Variants in PDE4D observed in about 807,000 individuals in gnomAD.
The protein encoded by PDE4D is phosphodiesterase 4D.
A neutral mutation model predicts 87.4 loss-of-function variants in PDE4D; 24 were observed. The observed-to-expected ratio is 0.27, with a 90% confidence interval of 0.20 to 0.39. The LOEUF is 0.39. Ranked by LOEUF, PDE4D falls within the 10% of genes least tolerant of loss-of-function variation. The pLI is 1.00. For missense variants in PDE4D, 714 were observed against 1,041.0 expected, an observed-to-expected ratio of 0.69 and a Z score of 4.32; for synonymous variants, 384 against 383.2, an observed-to-expected ratio of 1.00 and a Z score of -0.02.
chr5:60,003,859 T>C (rs1764236912), intron 2 of PDE4D, among the ~76,000 whole-genome samples: 1 of 151,708 alleles, frequency 6.6e-6, no homozygotes, highest in Non-Finnish European at 1.5e-5. Flanking sequence ...AGAATAGAGA[T>C]CCCAGAAATA....
At chr5:59,588,611 C>A (rs1825527527) in intron 1 of PDE4D, among the ~76,000 whole-genome samples, 1 of 152,062 alleles carries the variant, frequency 6.6e-6, no homozygotes, top group South Asian at 2.1e-4. Context: ...AATTCAAAAC[C>A]TAGTATAAAG....
chr5:60,158,238 C>A (rs1194951410), intron 2 of PDE4D, among the ~76,000 whole-genome samples: 2 of 152,180 alleles, frequency 1.3e-5, no homozygotes, highest in Non-Finnish European at 2.9e-5. Context: ...GCCTAACACA[C>A]ACACACCTAG....
chr5:58,987,766 T>G (rs1020049343), intron 11 of PDE4D, among the ~76,000 whole-genome samples: 1 of 152,208 alleles, frequency 6.6e-6, no homozygotes, highest in African/African-American at 2.4e-5. Context: ...GGGAGGGAAT[T>G]AAGTCATAGT....
rs1030168067 is a variant in PDE4D, at chr5:59,537,763, T to C, written c.456-321795A>G. On this transcript the variant is annotated intron_variant, in intron 1 of 14. Coordinates refer to ENST00000340635, the MANE Select transcript of PDE4D (RefSeq NM_001104631.2). ...AAAACTTCTAACATTCCAATTTAAA[T>C]ATTTTATTTGAAAATTCACTGCTAT... 3.3e-5 allele frequency among the ~76,000 whole-genome samples: 5 copies of C among 152,252 alleles called. No individual in the cohort carries two copies. In the East Asian group the frequency reaches 9.6e-4, roughly 29 times the overall value.
chr5:59,737,295 T>C (rs1027833832), intron 1 of PDE4D, among the ~76,000 whole-genome samples: 12 of 152,190 alleles, frequency 7.9e-5, no homozygotes, highest in Admixed American at 7.9e-4. Flanking sequence ...TTCTTGGTTT[T>C]GTATAGTTTC....
intron 1 of PDE4D, among the ~76,000 whole-genome samples, chr5:59,847,525 C>T (rs945568774): frequency 6.6e-6 from 1 of 152,022 alleles, no homozygotes; most frequent in African/African-American, 2.4e-5. Flanking sequence ...AGGAACCTTT[C>T]TTTTTTACCA....
intron 1 of PDE4D, among the ~76,000 whole-genome samples, chr5:59,754,914 A>G (rs1761010812): frequency 1.4e-5 from 2 of 147,346 alleles, no homozygotes; most frequent in Non-Finnish European, 3.0e-5. Flanking sequence ...GATTAGCATC[A>G]CCCAATCCAA....
chr5:59,580,880 T>A (rs550440334), intron 1 of PDE4D, among the ~76,000 whole-genome samples: 3 of 152,290 alleles, frequency 2.0e-5, no homozygotes, highest in East Asian at 1.9e-4. Flanking sequence ...TTAAATTATT[T>A]TTTTTTAGTT....
At chr5:60,400,338 T>C (rs2150044501) in intron 1 of PDE4D, among the ~76,000 whole-genome samples, 1 of 151,676 alleles carries the variant, frequency 6.6e-6, no homozygotes, top group Non-Finnish European at 1.5e-5. Flanking sequence ...CTGGCTAACA[T>C]GGTGAAACCC....
chr5:60,231,068 A>G (rs1745750607), intron 1 of PDE4D, among the ~76,000 whole-genome samples: 1 of 152,072 alleles, frequency 6.6e-6, no homozygotes, highest in African/African-American at 2.4e-5. Context: ...AAGAAAAAGA[A>G]ATATAATTGG....
chr5:59,070,803 C>T (rs772741092), intron 5 of PDE4D, among the ~76,000 whole-genome samples: 17 of 152,116 alleles, frequency 1.1e-4, no homozygotes, highest in Non-Finnish European at 2.1e-4. Flanking sequence ...ATGGCTCAAA[C>T]ACATCAAGAA....
intron 1 of PDE4D, among the ~76,000 whole-genome samples, chr5:60,499,845 TCTCTC>T: frequency 6.6e-6 from 1 of 152,316 alleles, no homozygotes; most frequent in Admixed American, 6.5e-5. Context: ...ATGGTATATT[TCTCTC>T]CTCTCCTTCA....
intron 1 of PDE4D, among the ~76,000 whole-genome samples, chr5:60,356,470 A>G (rs1439655421): frequency 6.6e-6 from 1 of 152,204 alleles, no homozygotes; most frequent in Non-Finnish European, 1.5e-5. Context: ...AGATAGTAAT[A>G]TTACTATCAG....
intron 1 of PDE4D, among the ~76,000 whole-genome samples, chr5:59,499,107 G>C (rs944212555): frequency 1.3e-5 from 2 of 151,804 alleles, no homozygotes; most frequent in Non-Finnish European, 2.9e-5. Flanking sequence ...GAAATCAACA[G>C]CAAGAGGAAT....
chr5:59,715,881 C>A (rs1437650542), intron 1 of PDE4D, among the ~76,000 whole-genome samples: 3 of 152,322 alleles, frequency 2.0e-5, no homozygotes, highest in Non-Finnish European at 2.9e-5. Flanking sequence ...TGTATTACTG[C>A]TGTGGCCTCT....
intron 1 of PDE4D, among the ~76,000 whole-genome samples, chr5:59,421,637 A>C (rs1290929291): frequency 6.6e-6 from 1 of 152,136 alleles, no homozygotes; most frequent in Non-Finnish European, 1.5e-5. Flanking sequence ...TAAGAGTAAG[A>C]TGATGAGTTC....
intron 1 of PDE4D, among the ~76,000 whole-genome samples, chr5:59,890,254 T>TAC (rs56258601): frequency 0.03 from 4,334 of 145,366 alleles, 68 homozygotes; most frequent in East Asian, 0.1. Flanking sequence ...GGTGCGCACG[T>TAC]ACACACACAC....
intron 2 of PDE4D, among the ~76,000 whole-genome samples, chr5:60,101,159 G>A (rs1431388287): frequency 6.6e-6 from 1 of 152,016 alleles, no homozygotes; most frequent in Non-Finnish European, 1.5e-5. Flanking sequence ...TTGGTTGGAG[G>A]CTTTAGAAAT....
intron 2 of PDE4D, among the ~76,000 whole-genome samples, chr5:60,034,443 G>C (rs968428191): frequency 6.6e-6 from 1 of 152,120 alleles, no homozygotes; most frequent in Admixed American, 6.5e-5. Flanking sequence ...TTGGCTTGCG[G>C]CTTCACACCA....
Sources: gnomAD v4.1 joint callset for allele counts (sites outside exome capture counted in the v4.1 genomes callset) on GRCh38, gnomAD v4.1.1 for gene constraint, MANE v1.5 for transcripts, NCBI Gene and HGNC (gene_info 2026-07-23, HGNC 2026-07-21) for gene names.